PDE8B: variants seen among roughly 807,000 people sequenced by gnomAD.
PDE8B encodes high affinity cAMP-specific and IBMX-insensitive 3',5'-cyclic phosphodiesterase 8B.
Under a neutral mutation model 101.3 loss-of-function variants are expected in PDE8B, and 26 were observed. The observed-to-expected ratio is 0.26, with a 90% CI of 0.19 to 0.36. The LOEUF (loss-of-function observed/expected upper bound fraction) is 0.36. Ranked by LOEUF, PDE8B falls within the 10% of genes least tolerant of loss-of-function variation. PDE8B has a pLI of 1.00. For missense variants in PDE8B, 810 were observed against 1,163.1 expected (o/e 0.70, Z 4.42); for synonymous variants, 424 against 429.3 (o/e 0.99, Z 0.15).
At chr5:77,344,648 C>T (rs1779831920) in intron 6 of PDE8B, among the ~76,000 whole-genome samples, 2 of 152,204 alleles carry the variant, frequency 1.3e-5, no homozygotes, top group African/African-American at 4.8e-5. Context: ...TAGCCACTTC[C>T]CAAAGGCCCT....
intron 1 of PDE8B, among the ~76,000 whole-genome samples, chr5:77,226,207 T>C (rs1339464255): frequency 6.7e-6 from 1 of 148,806 alleles, no homozygotes; most frequent in Non-Finnish European, 1.5e-5. Flanking sequence ...TATGGTATAT[T>C]CAGAGACATT....
At chr5:77,336,294 C>G (rs890928911) in intron 5 of PDE8B, among the ~76,000 whole-genome samples, 1 of 152,180 alleles carries the variant, frequency 6.6e-6, no homozygotes, top group Non-Finnish European at 1.5e-5. Context: ...CACCACCTCT[C>G]TCTAGTTAGA....
the PDE8B span, among the ~76,000 whole-genome samples, chr5:77,193,952 T>G: frequency 4.6e-5 from 7 of 152,212 alleles, no homozygotes; most frequent in African/African-American, 1.7e-4. Context: ...TGCTGGTATA[T>G]AGAATACAAT....
chr5:77,174,726 C>A, the PDE8B span, among the ~76,000 whole-genome samples: 1 of 152,144 alleles, frequency 6.6e-6, no homozygotes, highest in African/African-American at 2.4e-5. Context: ...AGTTGGCAGA[C>A]CCAGAGTATG....
chr5:77,231,962 C>T (rs760752538), intron 1 of PDE8B, among the ~76,000 whole-genome samples: 1 of 152,206 alleles, frequency 6.6e-6, no homozygotes, highest in Non-Finnish European at 1.5e-5. Context: ...TGAAGCCAGC[C>T]ACAAGGGAGG....
chr5:77,395,748 A>G (rs1254158941), intron 10 of PDE8B, among the ~76,000 whole-genome samples: 2 of 83,976 alleles, frequency 2.4e-5, no homozygotes, highest in African/African-American at 9.4e-5. Context: ...CCCCCTCACC[A>G]GACACACACA....
intron 2 of PDE8B, among the ~76,000 whole-genome samples, chr5:77,319,889 G>A (rs1192547790): frequency 6.6e-6 from 1 of 152,166 alleles, no homozygotes; most frequent in Non-Finnish European, 1.5e-5. Flanking sequence ...CTAGAAGAAG[G>A]TGGCAAGCAC....
chr5:77,358,401 G>A, intron 10 of PDE8B: 2 of 982,420 alleles, frequency 2.0e-6, no homozygotes, highest in Non-Finnish European at 2.4e-6. Flanking sequence ...AGAGGGAGCA[G>A]GGACACTTTT....
intron 2 of PDE8B, among the ~76,000 whole-genome samples, chr5:77,325,137 C>T (rs1156348604): frequency 6.8e-6 from 1 of 148,002 alleles, no homozygotes; most frequent in African/African-American, 2.5e-5. Flanking sequence ...ACCAGTATAC[C>T]ATAGGCCTGG....
the PDE8B span, chr5:77,113,910 A>G: frequency 6.6e-6 from 1 of 152,260 alleles, no homozygotes; most frequent in Non-Finnish European, 1.5e-5. Context: ...GACACATGAA[A>G]AAACGCTCAT....
chr5:77,353,428 T>C, intron 10 of PDE8B, 22 bp downstream of exon 10: 1 of 1,487,608 alleles, frequency 6.7e-7, no homozygotes, highest in Non-Finnish European at 9.4e-7. Flanking sequence ...GCTCACTTCG[T>C]TTGCTCTGTC....
the PDE8B span, among the ~76,000 whole-genome samples, chr5:77,198,875 T>C: frequency 6.6e-6 from 1 of 152,182 alleles, no homozygotes; most frequent in Admixed American, 6.5e-5. Context: ...AACTTAAAAC[T>C]ATGGATATTC....
chr5:77,409,535 A>G (rs1794130732), intron 14 of PDE8B, among the ~76,000 whole-genome samples: 1 of 152,170 alleles, frequency 6.6e-6, no homozygotes. Context: ...ATAAGGTAAA[A>G]GCAGACTGGG....
chr5:77,114,456 A>G, the PDE8B span: 13 of 152,310 alleles, frequency 8.5e-5, no homozygotes, highest in Admixed American at 6.5e-5. Flanking sequence ...GTGGGAGTTG[A>G]ACAATGAGAA....
At chr5:77,341,133 A>T (rs1043748346) in intron 6 of PDE8B, among the ~76,000 whole-genome samples, 4 of 152,230 alleles carry the variant, frequency 2.6e-5, no homozygotes, top group Non-Finnish European at 5.9e-5. Flanking sequence ...CAAGCAATTA[A>T]GTTCTAAAAC....
intron 1 of PDE8B, among the ~76,000 whole-genome samples, chr5:77,239,906 C>T (rs1755405412): frequency 6.6e-6 from 1 of 152,002 alleles, no homozygotes; most frequent in Admixed American, 6.6e-5. Context: ...CCTGGGAACA[C>T]AATGTTTTAT....
At chr5:77,159,612 T>G in the PDE8B span, among the ~76,000 whole-genome samples, 7 of 152,162 alleles carry the variant, frequency 4.6e-5, no homozygotes, top group Non-Finnish European at 1.0e-4. Context: ...TGGGGATTGG[T>G]GCGTTTGCAT....
chr5:77,116,222 A>ATTT, the PDE8B span, among the ~76,000 whole-genome samples: 24 of 92,770 alleles, frequency 2.6e-4, no homozygotes, highest in African/African-American at 1.1e-3. Flanking sequence ...ATATATATAT[A>ATTT]TATTTTTTTT....
At chr5:77,227,263 C>T (rs756978813) in intron 1 of PDE8B, among the ~76,000 whole-genome samples, 2 of 152,042 alleles carry the variant, frequency 1.3e-5, no homozygotes. Flanking sequence ...TCCTGTAGTG[C>T]TTTCTTATGT....
Sources: allele counts gnomAD v4.1 joint callset (sites outside exome capture counted in the v4.1 genomes callset), GRCh38; gene constraint gnomAD v4.1.1; transcripts MANE v1.5; gene names NCBI Gene and HGNC (gene_info 2026-07-23, HGNC 2026-07-21).